RCSD1: variants seen among roughly 807,000 people sequenced by gnomAD.
RCSD1 encodes the protein RCSD domain containing 1, also known as capZ-interacting protein.
Under a neutral mutation model 42.5 loss-of-function variants are expected in RCSD1, and 26 were observed. The ratio of observed to expected loss-of-function variants is 0.61; its 90% confidence interval spans 0.45 to 0.85. The LOEUF (loss-of-function observed/expected upper bound fraction) is 0.85, where lower values mean the gene tolerates loss of function less well. Among genes scored for constraint, RCSD1 ranks in the 40% least tolerant of loss-of-function variants. The pLI, the probability that RCSD1 is intolerant of heterozygous loss-of-function variation, is 0.00. For synonymous variants in RCSD1, 220 were observed against 212.2 expected (o/e 1.04, Z -0.32); for missense variants, 571 against 528.3 (o/e 1.08, Z -0.79).
chr1:167,639,671 T>G (rs979690179), intron 1 of RCSD1, among the ~76,000 whole-genome samples: 1 of 152,216 alleles, frequency 6.6e-6, no homozygotes, highest in Non-Finnish European at 1.5e-5. Context: ...TTTTGTATTT[T>G]TTAATAGAGA....
chr1:167,639,951 G>C (rs1297802925), intron 1 of RCSD1, among the ~76,000 whole-genome samples: 1 of 152,254 alleles, frequency 6.6e-6, no homozygotes, highest in African/African-American at 2.4e-5. Flanking sequence ...CTGTTGTCCA[G>C]TCATGCCTGA....
At chr1:167,692,567 G>A (rs1659400897) in intron 4 of RCSD1, among the ~76,000 whole-genome samples, 1 of 151,384 alleles carries the variant, frequency 6.6e-6, no homozygotes, top group South Asian at 2.1e-4. Context: ...TGCCCTGGAT[G>A]GACTCAAAGT....
At position 167,707,947 on chromosome 1, in the gene RCSD1, C is replaced by T. The variant is rs1022482279; in HGVS notation, c.*3251C>T. On this transcript the variant is annotated 3_prime_UTR_variant, in exon 7 of 7. Transcript: ENST00000367854. ...CTGGCCTCTAGTGATCTGCCTGCCTCGGTCTCCCAAAGTGGGATTACAGGC... is the reference window on the plus strand; with the variant it reads ...CTGGCCTCTAGTGATCTGCCTGCCTTGGTCTCCCAAAGTGGGATTACAGGC... 2.6e-5 allele frequency among the ~76,000 whole-genome samples: 4 copies of T among 152,206 alleles called. No individual in the cohort carries two copies. Among genetic ancestry groups the T allele is most frequent in the Non-Finnish European group, 5.9e-5 (4 of 68,042 alleles).
chr1:167,687,518 G>C (rs1185233963), intron 3 of RCSD1, among the ~76,000 whole-genome samples: 3 of 139,522 alleles, frequency 2.2e-5, no homozygotes, highest in Admixed American at 2.1e-4. Flanking sequence ...GCAAGACTCC[G>C]TCTCAAAAAA....
At chr1:167,702,604 C>A (rs562082306) in intron 6 of RCSD1, among the ~76,000 whole-genome samples, 1 of 152,190 alleles carries the variant, frequency 6.6e-6, no homozygotes, top group East Asian at 1.9e-4. Flanking sequence ...CATGGTGAAA[C>A]CCTGTCTCTA....
chr1:167,649,675 G>C (rs529894088), intron 1 of RCSD1, among the ~76,000 whole-genome samples: 25 of 152,184 alleles, frequency 1.6e-4, no homozygotes, highest in Non-Finnish European at 3.5e-4. Flanking sequence ...GGAAAGCTGG[G>C]CTTCAGAAGG....
rs142828863 is a variant in RCSD1, at chr1:167,674,000, T to C, written c.7-9900T>C. Among the ~76,000 whole-genome samples the C allele has an allele frequency of 3.2e-3, 495 of 152,384 alleles. 3 individuals carry two copies. The highest frequency in any genetic ancestry group is 4.3e-3 in the Non-Finnish European group (292 of 68,046). The stretch of plus-strand genomic sequence containing the variant: ...GCATTTCCCAATTGCAGCAATGGCC[T>C]GTTTTCATTCTGATAGTTTTATTAC... On this transcript the variant is annotated intron_variant, in intron 1 of 6. Coordinates refer to ENST00000367854, the MANE Select transcript of RCSD1 (RefSeq NM_052862.4).
chr1:167,661,184 C>T (rs1050708977), intron 1 of RCSD1, among the ~76,000 whole-genome samples: 3 of 152,242 alleles, frequency 2.0e-5, no homozygotes, highest in African/African-American at 7.2e-5. Context: ...GACTTATCTT[C>T]ATTATAATCC....
chr1:167,704,982 G>A lies in RCSD1; in HGVS notation c.*286G>A, dbSNP rs543829697. 1 of 371,142 alleles carries A rather than the reference G, an allele frequency of 2.7e-6. No homozygotes were observed. Among genetic ancestry groups the A allele is most frequent in the Non-Finnish European group, 5.1e-6 (1 of 195,106 alleles). 23.0% of individuals were successfully genotyped at this position (371,142 alleles called of 1,614,324 possible). On this transcript the variant is annotated 3_prime_UTR_variant, in exon 7 of 7. Coordinates refer to ENST00000367854, the MANE Select transcript of RCSD1 (RefSeq NM_052862.4). Reference sequence around the variant, plus strand: ...AACTTACTTAAAACAATGTACTGTGGTGATGAGTCCCAGGGGCACTGGTCA... The same window carrying A: ...AACTTACTTAAAACAATGTACTGTGATGATGAGTCCCAGGGGCACTGGTCA...
chr1:167,657,188 T>A (rs911935851), intron 1 of RCSD1, among the ~76,000 whole-genome samples: 1 of 152,218 alleles, frequency 6.6e-6, no homozygotes, highest in Non-Finnish European at 1.5e-5. Context: ...GTCCTGCTGG[T>A]TTTTTTCGAA....
rs542684569 is a variant in RCSD1 at position 167,677,389 on chromosome 1, C to A, written c.7-6511C>A. On this transcript the variant is annotated intron_variant, in intron 1 of 6. Coordinates refer to ENST00000367854, the MANE Select transcript of RCSD1 (RefSeq NM_052862.4). ...ATCTTCTGGCCCTAAGCCATGTGAA[C>A]CAAAATTATCTGAGACAGGTCTTTA... is the stretch of plus-strand genomic sequence containing the variant. Among the ~76,000 whole-genome samples the A allele has an allele frequency of 2.0e-4, 31 of 152,302 alleles. No individual in the cohort carries two copies. The South Asian group carries it at 6.4e-3, about 32-fold the overall frequency.
intron 1 of RCSD1, among the ~76,000 whole-genome samples, chr1:167,637,431 T>A (rs1657886946): frequency 6.6e-6 from 1 of 152,174 alleles, no homozygotes; most frequent in Non-Finnish European, 1.5e-5. Flanking sequence ...TTCTAAGGTA[T>A]GTGGGCGTTC....
Position 167,651,250 on chromosome 1 carries a change from G to A in RCSD1, c.6+20821G>A, listed in dbSNP as rs559307087. Among the ~76,000 whole-genome samples, 204 of 152,324 alleles carry A rather than the reference G, an allele frequency of 1.3e-3. 1 individual carries two copies. Among genetic ancestry groups the A allele is most frequent in the African/African-American group, 4.8e-3 (200 of 41,560 alleles). ...AGCCCAGGACAATGCCACCAGCCTG[G>A]AGCCTCACTTCCAGCTGTGGGTGAG... is the stretch of plus-strand genomic sequence containing the variant. On this transcript the variant is annotated intron_variant, in intron 1 of 6. Coordinates refer to ENST00000367854, the MANE Select transcript of RCSD1 (RefSeq NM_052862.4).
At chr1:167,685,554 T>C (rs1558089436) in intron 3 of RCSD1, 44 bp downstream of exon 3, 13 of 1,530,896 alleles carry the variant, frequency 8.5e-6, no homozygotes, top group Non-Finnish European at 1.1e-5. Flanking sequence ...TGATGGGTTT[T>C]CTTTCCTCTT....
chr1:167,678,982 C>G (rs1284758374), intron 1 of RCSD1, among the ~76,000 whole-genome samples: 1 of 152,214 alleles, frequency 6.6e-6, no homozygotes, highest in Non-Finnish European at 1.5e-5. Context: ...ATTTTCTTCA[C>G]AGCGTTTAAC....
intron 1 of RCSD1, among the ~76,000 whole-genome samples, chr1:167,656,576 T>A (rs889802187): frequency 3.3e-5 from 5 of 152,210 alleles, no homozygotes; most frequent in Non-Finnish European, 7.3e-5. Flanking sequence ...GGGCCTTGAA[T>A]GATCTTTTGA....
chr1:167,684,424 G>C (rs564513370), intron 2 of RCSD1, among the ~76,000 whole-genome samples: 8 of 152,314 alleles, frequency 5.3e-5, no homozygotes, highest in African/African-American at 1.7e-4. Flanking sequence ...AAAGAAGAGA[G>C]GGCTTGAAGG....
intron 1 of RCSD1, among the ~76,000 whole-genome samples, chr1:167,683,573 A>G (rs1171463015): frequency 6.6e-6 from 1 of 152,190 alleles, no homozygotes; most frequent in Non-Finnish European, 1.5e-5. Context: ...ACTGTCGCAG[A>G]CGTTGCCCTT....
chr1:167,658,185 C>A (rs916539667), intron 1 of RCSD1, among the ~76,000 whole-genome samples: 1 of 152,168 alleles, frequency 6.6e-6, no homozygotes, highest in Admixed American at 6.6e-5. Flanking sequence ...GATCAGCCCC[C>A]CTCCCTGTGT....
Sources: gnomAD v4.1 joint callset for allele counts (sites outside exome capture counted in the v4.1 genomes callset) on GRCh38, gnomAD v4.1.1 for gene constraint, MANE v1.5 for transcripts, NCBI Gene and HGNC (gene_info 2026-07-23, HGNC 2026-07-21) for gene names.